Variants in PRDM16 observed in about 807,000 individuals in gnomAD.
PRDM16 encodes the protein histone-lysine N-methyltransferase PRDM16.
PRDM16 carries 23 observed loss-of-function variants against 110.6 expected under a neutral mutation model. The ratio of observed to expected loss-of-function variants is 0.21; its 90% CI spans 0.15 to 0.29. The LOEUF (loss-of-function observed/expected upper bound fraction) is 0.29. Among genes scored for constraint, PRDM16 ranks in the 10% least tolerant of loss-of-function variants. The pLI is 1.00. For synonymous variants in PRDM16, 799 were observed against 781.8 expected, an observed-to-expected ratio of 1.02 and a Z score of -0.37; for missense variants, 1,615 against 1,794.3, an observed-to-expected ratio of 0.90 and a Z score of 1.81.
At chr1:3,278,879 C>T (rs542210273) in intron 3 of PRDM16, among the ~76,000 whole-genome samples, 1 of 152,332 alleles carries the variant, frequency 6.6e-6, no homozygotes, top group African/African-American at 2.4e-5. Flanking sequence ...CGTGGCCCAG[C>T]TCCTGCAGAC....
intron 3 of PRDM16, among the ~76,000 whole-genome samples, chr1:3,272,076 C>G (rs1640468772): frequency 6.6e-6 from 1 of 152,216 alleles, no homozygotes; most frequent in Non-Finnish European, 1.5e-5. Flanking sequence ...ACAAGAACTT[C>G]CGGTGCTTGC....
At chr1:3,336,291 A>G (rs1642144086) in intron 3 of PRDM16, among the ~76,000 whole-genome samples, 1 of 152,068 alleles carries the variant, frequency 6.6e-6, no homozygotes, top group Non-Finnish European at 1.5e-5. Context: ...TCTGTGTATG[A>G]GCACGTGTGT....
At chr1:3,310,720 A>G (rs1641431793) in intron 3 of PRDM16, among the ~76,000 whole-genome samples, 1 of 152,162 alleles carries the variant, frequency 6.6e-6, no homozygotes, top group Admixed American at 6.5e-5. Context: ...CTCAGATGAC[A>G]TGGCCCTGGC....
At chr1:3,431,150 C>A (rs528525319) in intron 15 of PRDM16, 42 bp downstream of exon 15, 2 of 1,535,344 alleles carry the variant, frequency 1.3e-6, no homozygotes, top group East Asian at 4.9e-5. Flanking sequence ...AGGGAGGGAA[C>A]GTGGGCGTCC....
chr1:3,130,589 A>G (rs1643312106), intron 1 of PRDM16, among the ~76,000 whole-genome samples: 1 of 152,158 alleles, frequency 6.6e-6, no homozygotes, highest in Non-Finnish European at 1.5e-5. Flanking sequence ...GCTGGACTTC[A>G]GGGGAGGGCT....
At chr1:3,199,576 T>C (rs1288237083) in intron 2 of PRDM16, among the ~76,000 whole-genome samples, 1 of 152,132 alleles carries the variant, frequency 6.6e-6, no homozygotes. Context: ...TTCTAGAAGG[T>C]TCCAGTTGCC....
intron 1 of PRDM16, among the ~76,000 whole-genome samples, chr1:3,072,917 T>C (rs2100536017): frequency 1.3e-5 from 2 of 152,368 alleles, no homozygotes. Context: ...AGGTGTGCCA[T>C]GGCTCGGAAG....
chr1:3,341,064 C>CT, intron 3 of PRDM16, among the ~76,000 whole-genome samples: 1 of 125,136 alleles, frequency 8.0e-6, no homozygotes, highest in African/African-American at 3.0e-5. Context: ...AGTTGCTGCC[C>CT]CCTGAGCCCT....
Position 3,258,479 on chromosome 1 carries a change from G to A in PRDM16, c.438+14342G>A, listed in dbSNP as rs778757190. 3.0e-4 allele frequency among the ~76,000 whole-genome samples: 46 copies of A among 152,200 alleles called. 1 individual carries two copies. Among genetic ancestry groups the A allele is most frequent in the Admixed American group, 7.8e-4 (12 of 15,288 alleles). ...ACCTGACACCCACTTCCATCAGCCA[G>A]GGCTGCATTGGGAAACTGTTTCTTC... On this transcript the variant is annotated intron_variant, in intron 3 of 16. Coordinates refer to ENST00000270722, the MANE Select transcript of PRDM16 (RefSeq NM_022114.4).
intron 1 of PRDM16, among the ~76,000 whole-genome samples, chr1:3,180,043 T>A (rs1644132215): frequency 6.6e-6 from 1 of 152,278 alleles, no homozygotes; most frequent in African/African-American, 2.4e-5. Context: ...CTCATACTTT[T>A]GACCTTAGGT....
chr1:3,310,792 CTGTG>C lies in PRDM16; in HGVS notation c.438+66663_438+66666del, dbSNP rs537424717. On this transcript the variant is annotated intron_variant, in intron 3 of 16. Transcript: ENST00000270722. The stretch of plus-strand genomic sequence containing the variant: ...TATGGGTGTGTATGTGCATGCATGT[CTGTG>C]TGTGTGTATGTGTATGTGCATGTGT... 7.8e-3 allele frequency among the ~76,000 whole-genome samples: 1,187 copies of C among 152,022 alleles called. 16 individuals are homozygous for C. Among genetic ancestry groups the C allele is most frequent in the African/African-American group, 0.027 (1,127 of 41,448 alleles).
At chr1:3,258,255 G>T (rs1348062279) in intron 3 of PRDM16, among the ~76,000 whole-genome samples, 1 of 152,180 alleles carries the variant, frequency 6.6e-6, no homozygotes. Flanking sequence ...CCTTCTCAGG[G>T]CTATTCCTCT....
At chr1:3,410,292 G>A (rs549575577) in intron 8 of PRDM16, among the ~76,000 whole-genome samples, 126 of 152,262 alleles carry the variant, frequency 8.3e-4, no homozygotes, top group South Asian at 7.7e-3. Flanking sequence ...CCCCCAGGCC[G>A]CTGGGTCCTG....
chr1:3,420,085 G>T (rs191228313), intron 12 of PRDM16, among the ~76,000 whole-genome samples: 1 of 152,200 alleles, frequency 6.6e-6, no homozygotes, highest in African/African-American at 2.4e-5. Context: ...GCCCCTAGAG[G>T]GTCGGGGTGG....
At chr1:3,187,865 C>T (rs374570668) in intron 2 of PRDM16, among the ~76,000 whole-genome samples, 18 of 152,166 alleles carry the variant, frequency 1.2e-4, no homozygotes, top group African/African-American at 9.7e-5. Flanking sequence ...CCTGAAGAAA[C>T]GTGCGGCAGA....
chr1:3,415,674 A>C (rs1336511165), intron 10 of PRDM16, among the ~76,000 whole-genome samples: 1 of 152,156 alleles, frequency 6.6e-6, no homozygotes, highest in Non-Finnish European at 1.5e-5. Context: ...GGAGAGGCCC[A>C]CCCAGGCCCG....
chr1:3,229,647 G>A (rs1639362881), intron 2 of PRDM16, among the ~76,000 whole-genome samples: 1 of 152,186 alleles, frequency 6.6e-6, no homozygotes, highest in Non-Finnish European at 1.5e-5. Flanking sequence ...CATGAGCCTG[G>A]TCACTGAACC....
At chr1:3,195,880 C>T (rs976501637) in intron 2 of PRDM16, among the ~76,000 whole-genome samples, 2 of 152,222 alleles carry the variant, frequency 1.3e-5, no homozygotes, top group African/African-American at 4.8e-5. Flanking sequence ...ATGACAGAGG[C>T]ATGTGGCCTC....
At chr1:3,267,344 C>G (rs1001863269) in intron 3 of PRDM16, among the ~76,000 whole-genome samples, 32 of 152,186 alleles carry the variant, frequency 2.1e-4, no homozygotes, top group African/African-American at 7.2e-4. Flanking sequence ...CGTGTCGGAG[C>G]TCTGTGCCTT....
Sources: allele counts gnomAD v4.1 joint callset (sites outside exome capture counted in the v4.1 genomes callset), GRCh38; gene constraint gnomAD v4.1.1; transcripts MANE v1.5; gene names NCBI Gene and HGNC (gene_info 2026-07-23, HGNC 2026-07-21).